The following SVIL variants were observed in gnomAD, a reference collection of about 807,000 sequenced individuals.
SVIL encodes archvillin.
Under a neutral mutation model 240.4 loss-of-function variants are expected in SVIL, and 101 were observed. The observed-to-expected ratio is 0.42, with a 90% CI of 0.36 to 0.50. The LOEUF is 0.50. Among genes scored for constraint, SVIL ranks in the 20% least tolerant of loss-of-function variants. The pLI, the probability that SVIL is intolerant of heterozygous loss-of-function variation, is 0.01. For synonymous variants in SVIL, 999 were observed against 1,100.0 expected (o/e 0.91, Z 1.82); for missense variants, 2,512 against 2,818.7 (o/e 0.89, Z 2.46).
At chr10:29,558,176 TC>T (rs1255751751) in intron 3 of SVIL, among the ~76,000 whole-genome samples, 3 of 152,190 alleles carry the variant, frequency 2.0e-5, no homozygotes, top group Admixed American at 1.3e-4. Context: ...AGCACTGCAC[TC>T]TTTTCAGTCA....
chr10:29,506,656 T>TA (rs567169768), intron 17 of SVIL, among the ~76,000 whole-genome samples: 4,140 of 133,782 alleles, frequency 0.031, 223 homozygotes, highest in African/African-American at 0.11. Context: ...ACAGAGGCCC[T>TA]GGAGGGAGGG....
intron 13 of SVIL, among the ~76,000 whole-genome samples, chr10:29,525,076 G>C (rs1950812044): frequency 6.6e-6 from 1 of 152,170 alleles, no homozygotes; most frequent in Non-Finnish European, 1.5e-5. Flanking sequence ...TACCTACGGT[G>C]TATTTAGACC....
Position 29,700,555 on chromosome 10 carries a change from C to T in SVIL, c.-399-13904G>A, listed in dbSNP as rs557287337. Among the ~76,000 whole-genome samples the T allele has an allele frequency of 2.2e-3, 314 of 141,776 alleles. 2 individuals carry two copies. The highest frequency in any genetic ancestry group is 3.2e-3 in the Non-Finnish European group (213 of 66,576). 93.0% of individuals were successfully genotyped at this position (141,776 alleles called of 152,430 possible). On this transcript the variant is annotated intron_variant, in intron 1 of 35. Coordinates refer to the SVIL transcript ENST00000375400. ...GTGCGATCTCAGCTCACTGCAAGCTCCGCCTCCCGGGTTCACACCATTCTC... is the reference window on the plus strand; with the variant it reads ...GTGCGATCTCAGCTCACTGCAAGCTTCGCCTCCCGGGTTCACACCATTCTC...
chr10:29,617,953 G>A (rs754671568), intron 1 of SVIL, among the ~76,000 whole-genome samples: 4 of 152,222 alleles, frequency 2.6e-5, no homozygotes, highest in Non-Finnish European at 4.4e-5. Context: ...AAGTCCTAAA[G>A]TACCAGCCAT....
At chr10:29,571,822 G>A (rs1955433955) in intron 1 of SVIL, among the ~76,000 whole-genome samples, 1 of 152,182 alleles carries the variant, frequency 6.6e-6, no homozygotes, top group Admixed American at 6.5e-5. Context: ...TGCAAGCTAA[G>A]GAAATAGGGC....
At chr10:29,508,584 A>G (rs373734497) in intron 17 of SVIL, 59 of 368,232 alleles carry the variant, frequency 1.6e-4, no homozygotes, top group African/African-American at 3.4e-4. Context: ...TTTAGAGAGC[A>G]TTCCCTCAGC....
At chr10:29,491,566 T>C (rs1947961506) in intron 21 of SVIL, among the ~76,000 whole-genome samples, 1 of 152,138 alleles carries the variant, frequency 6.6e-6, no homozygotes, top group African/African-American at 2.4e-5. Flanking sequence ...AATAACCACT[T>C]TTTGGAAGAC....
At chr10:29,599,559 G>T (rs1474443853) in intron 1 of SVIL, among the ~76,000 whole-genome samples, 1 of 152,126 alleles carries the variant, frequency 6.6e-6, no homozygotes, top group African/African-American at 2.4e-5. Flanking sequence ...GGGACTACGG[G>T]TATGTGCCAC....
chr10:29,694,838 G>C (rs1175106297), intron 1 of SVIL, among the ~76,000 whole-genome samples: 1 of 152,212 alleles, frequency 6.6e-6, no homozygotes, highest in East Asian at 1.9e-4. Context: ...CTCAAGGTGA[G>C]AGATTCATAC....
intron 23 of SVIL, among the ~76,000 whole-genome samples, chr10:29,488,361 G>A (rs558813115): frequency 6.6e-6 from 1 of 152,256 alleles, no homozygotes; most frequent in African/African-American, 2.4e-5. Context: ...CCCAGTAGCT[G>A]CTGGGACTCC....
intron 26 of SVIL, among the ~76,000 whole-genome samples, chr10:29,485,697 C>A (rs1947327483): frequency 6.6e-6 from 1 of 152,106 alleles, no homozygotes; most frequent in Non-Finnish European, 1.5e-5. Context: ...TGTGACAGGA[C>A]AAAAACAGCA....
intron 3 of SVIL, among the ~76,000 whole-genome samples, chr10:29,556,452 A>G (rs1030336498): frequency 1.3e-5 from 2 of 152,198 alleles, no homozygotes; most frequent in Non-Finnish European, 2.9e-5. Flanking sequence ...ACATGCACGC[A>G]TACACACACA....
intron 1 of SVIL, among the ~76,000 whole-genome samples, chr10:29,723,118 T>C (rs972407805): frequency 1.3e-4 from 20 of 152,326 alleles, no homozygotes; most frequent in Admixed American, 1.2e-3. Flanking sequence ...GCCTATAATC[T>C]CAACACTTTG....
intron 33 of SVIL, 98 bp downstream of exon 33, chr10:29,467,644 G>T: frequency 6.7e-7 from 1 of 1,494,772 alleles, no homozygotes; most frequent in Non-Finnish European, 9.0e-7. Context: ...AGTGAGCTGT[G>T]ATCATACCAC....
chr10:29,588,171 C>A (rs866777643), intron 1 of SVIL, among the ~76,000 whole-genome samples: 30 of 151,704 alleles, frequency 2.0e-4, no homozygotes, highest in African/African-American at 6.3e-4. Flanking sequence ...ACCAGCATTT[C>A]AACAGTGGAC....
At chr10:29,646,211 A>T (rs7903099) in intron 3 of SVIL, among the ~76,000 whole-genome samples, 2 of 151,726 alleles carry the variant, frequency 1.3e-5, no homozygotes, top group Admixed American at 6.6e-5. Flanking sequence ...CCTCACAGAC[A>T]CCCCCCTGCC....
At chr10:29,483,443 T>G (rs1947096817) in intron 27 of SVIL, 1 of 152,156 alleles carries the variant, frequency 6.6e-6, no homozygotes, top group Admixed American at 6.5e-5. Flanking sequence ...ACACATAAGC[T>G]CTAACTCACA....
intron 3 of SVIL, among the ~76,000 whole-genome samples, chr10:29,642,332 C>T (rs936706920): frequency 6.6e-6 from 1 of 151,710 alleles, no homozygotes; most frequent in Non-Finnish European, 1.5e-5. Flanking sequence ...GCAGAGGTTG[C>T]AGTGAGCTGA....
At chr10:29,555,786 G>A (rs1286545440) in intron 3 of SVIL, among the ~76,000 whole-genome samples, 1 of 152,114 alleles carries the variant, frequency 6.6e-6, no homozygotes, top group East Asian at 1.9e-4. Context: ...TAGACTAGGA[G>A]TGTGAACCCC....
Sources: gnomAD v4.1 joint callset for allele counts (sites outside exome capture counted in the v4.1 genomes callset) on GRCh38, gnomAD v4.1.1 for gene constraint, MANE v1.5 for transcripts, NCBI Gene and HGNC (gene_info 2026-07-23, HGNC 2026-07-21) for gene names.